SPOCK1: variants seen among roughly 807,000 people sequenced by gnomAD.
The protein encoded by SPOCK1 is SPARC (osteonectin), cwcv and kazal like domains proteoglycan 1.
SPOCK1 carries 23 observed loss-of-function variants against 55.3 expected under a neutral mutation model. The observed-to-expected ratio is 0.42, with a 90% CI of 0.30 to 0.59. The LOEUF (loss-of-function observed/expected upper bound fraction) is 0.59, where lower values mean the gene tolerates loss of function less well. SPOCK1 is among the 20% of genes least tolerant of loss of function. The pLI is 0.22. For missense variants in SPOCK1, 499 were observed against 552.5 expected, an observed-to-expected ratio of 0.90 and a Z score of 0.97; for synonymous variants, 226 against 221.0, an observed-to-expected ratio of 1.02 and a Z score of -0.20.
chr5:137,407,863 C>G (rs1303371589), intron 2 of SPOCK1, among the ~76,000 whole-genome samples: 1 of 152,164 alleles, frequency 6.6e-6, no homozygotes, highest in African/African-American at 2.4e-5. Flanking sequence ...TTGGTGCTTT[C>G]CCCTATGCCT....
At chr5:137,144,062 C>T (rs955255098) in intron 3 of SPOCK1, among the ~76,000 whole-genome samples, 11 of 152,142 alleles carry the variant, frequency 7.2e-5, no homozygotes, top group Admixed American at 1.3e-4. Context: ...CCAGATTACC[C>T]AGTGCTGCAG....
At chr5:137,401,109 C>A (rs1751967321) in intron 2 of SPOCK1, among the ~76,000 whole-genome samples, 1 of 152,144 alleles carries the variant, frequency 6.6e-6, no homozygotes, top group South Asian at 2.1e-4. Context: ...GGCGAGAAAC[C>A]AGGGGTCATC....
chr5:137,434,480 C>CTTTTTTTTTTTTTTTTT lies in SPOCK1; in HGVS notation c.186+63876_186+63892dup, dbSNP rs146762668. ...TTTCCCTTCTCCATTTCTTTTTTTTCTTTTTTTTTTTTTTTTTTTTTTTTT... is the reference window on the plus strand; with the variant it reads ...TTTCCCTTCTCCATTTCTTTTTTTTCTTTTTTTTTTTTTTTTTTTTTTTTTTTTTTTTTTTTTTTTTT... On this transcript the variant is annotated intron_variant, in intron 2 of 10. Coordinates refer to ENST00000394945, the MANE Select transcript of SPOCK1 (RefSeq NM_004598.4). Among the ~76,000 whole-genome samples, 176 of 68,234 alleles carry CTTTTTTTTTTTTTTTTT rather than the reference C, an allele frequency of 2.6e-3. 19 individuals carry two copies. Among genetic ancestry groups the CTTTTTTTTTTTTTTTTT allele is most frequent in the Middle Eastern group, 0.017 (1 of 60 alleles). 44.8% of individuals were successfully genotyped at this position (68,234 alleles called of 152,430 possible).
At chr5:137,073,393 G>A (rs1353176579) in intron 5 of SPOCK1, among the ~76,000 whole-genome samples, 4 of 139,170 alleles carry the variant, frequency 2.9e-5, no homozygotes, top group African/African-American at 1.1e-4. Context: ...AGCTCTCTGG[G>A]GAAGGAGGGT....
At chr5:137,084,451 G>A (rs1005593012) in intron 5 of SPOCK1, among the ~76,000 whole-genome samples, 3 of 151,966 alleles carry the variant, frequency 2.0e-5, no homozygotes, top group African/African-American at 7.3e-5. Context: ...AGCTCCAGGA[G>A]GGCAGAGACT....
intron 3 of SPOCK1, among the ~76,000 whole-genome samples, chr5:137,205,497 G>C (rs1755502412): frequency 6.6e-6 from 1 of 152,198 alleles, no homozygotes; most frequent in Admixed American, 6.5e-5. Flanking sequence ...AGATGAAAAA[G>C]GCTCTGCTCT....
intron 2 of SPOCK1, among the ~76,000 whole-genome samples, chr5:137,376,934 C>G (rs1368315688): frequency 1.3e-5 from 2 of 152,194 alleles, no homozygotes; most frequent in African/African-American, 4.8e-5. Context: ...TTACTGGTAT[C>G]TTCTGTTCGT....
intron 3 of SPOCK1, among the ~76,000 whole-genome samples, chr5:137,262,991 A>G (rs1649700879): frequency 6.6e-6 from 1 of 152,222 alleles, no homozygotes; most frequent in South Asian, 2.1e-4. Flanking sequence ...ATTTTCAGAT[A>G]GGAAGATTTA....
rs73296875 is a variant in SPOCK1, at chr5:137,336,294, A to C, written c.187-69239T>G. ...ATTTTTCTACCATTGACCTGTGTCT[A>C]TCATAGGGACAGGCCCTGCAGCCTG... On this transcript the variant is annotated intron_variant, in intron 2 of 10. Coordinates refer to ENST00000394945, the MANE Select transcript of SPOCK1 (RefSeq NM_004598.4). Among the ~76,000 whole-genome samples the C allele has an allele frequency of 2.5e-3, 388 of 152,286 alleles. 4 individuals are homozygous for C. The highest frequency in any genetic ancestry group is 9.0e-3 in the African/African-American group (372 of 41,558).
rs371544499 is a variant in SPOCK1, at chr5:137,325,133, G to GAC, written c.187-58080_187-58079dup. 4.7e-3 allele frequency among the ~76,000 whole-genome samples: 717 copies of GAC among 152,298 alleles called. 5 individuals are homozygous for GAC. Among genetic ancestry groups the GAC allele is most frequent in the African/African-American group, 0.016 (680 of 41,550 alleles). On this transcript the variant is annotated intron_variant, in intron 2 of 10. Transcript: ENST00000394945. ...GAGAGGAAAGGTTTTTGGGATGGGG[G>GAC]ACAACTGGGCTAAGAGTTTGTCAAA...
intron 3 of SPOCK1, among the ~76,000 whole-genome samples, chr5:137,167,925 G>A (rs1356194307): frequency 6.6e-6 from 1 of 151,748 alleles, no homozygotes; most frequent in East Asian, 1.9e-4. Flanking sequence ...AATTACAAAA[G>A]CAAGAGCAAA....
intron 3 of SPOCK1, among the ~76,000 whole-genome samples, chr5:137,230,610 T>C (rs1256329423): frequency 1.3e-5 from 2 of 152,232 alleles, no homozygotes; most frequent in African/African-American, 2.4e-5. Context: ...GGATAGGAAT[T>C]TCAGATGTCA....
chr5:137,137,965 A>AAC (rs558687794), intron 4 of SPOCK1, among the ~76,000 whole-genome samples: 2,100 of 151,582 alleles, frequency 0.014, 40 homozygotes, highest in African/African-American at 0.048. Context: ...TGAACACTCA[A>AAC]ACACACACAC....
intron 6 of SPOCK1, among the ~76,000 whole-genome samples, chr5:137,001,356 A>G (rs1024824474): frequency 3.9e-5 from 6 of 152,240 alleles, no homozygotes; most frequent in African/African-American, 1.4e-4. Context: ...ATGTTTTCAC[A>G]GGAAATGACC....
chr5:137,398,697 A>G (rs1019683072), intron 2 of SPOCK1, among the ~76,000 whole-genome samples: 2 of 152,198 alleles, frequency 1.3e-5, no homozygotes, highest in African/African-American at 4.8e-5. Flanking sequence ...TGGCAGATTA[A>G]CAGGGTTTTA....
intron 3 of SPOCK1, among the ~76,000 whole-genome samples, chr5:137,175,184 C>A (rs991206663): frequency 5.9e-5 from 9 of 152,106 alleles, no homozygotes; most frequent in African/African-American, 2.2e-4. Context: ...AGGCATGAAG[C>A]CTTGTGGAAA....
At chr5:137,043,834 T>C (rs1008425110) in intron 6 of SPOCK1, among the ~76,000 whole-genome samples, 1 of 152,148 alleles carries the variant, frequency 6.6e-6, no homozygotes, top group Admixed American at 6.5e-5. Flanking sequence ...CTGGATGAGA[T>C]CCTGGAACAG....
chr5:137,425,538 C>G (rs1453727175), intron 2 of SPOCK1, among the ~76,000 whole-genome samples: 2 of 152,110 alleles, frequency 1.3e-5, no homozygotes, highest in African/African-American at 4.8e-5. Context: ...CAATATAACA[C>G]AGCACTACAA....
At chr5:137,203,149 C>T (rs886369508) in intron 3 of SPOCK1, among the ~76,000 whole-genome samples, 9 of 152,164 alleles carry the variant, frequency 5.9e-5, no homozygotes, top group African/African-American at 1.4e-4. Flanking sequence ...TACCAAGTAA[C>T]TAACTGATGA....
Sources: gnomAD v4.1 joint callset for allele counts (sites outside exome capture counted in the v4.1 genomes callset) on GRCh38, gnomAD v4.1.1 for gene constraint, MANE v1.5 for transcripts, NCBI Gene and HGNC (gene_info 2026-07-23, HGNC 2026-07-21) for gene names.